The following IKZF2 variants were observed in gnomAD, a reference collection of about 807,000 sequenced individuals.
The protein encoded by IKZF2 is IKAROS family zinc finger 2.
Under a neutral mutation model 49.2 loss-of-function variants are expected in IKZF2, and 15 were observed. That is an observed-to-expected ratio of 0.30 (90% CI 0.20 to 0.47). The LOEUF is 0.47. Ranked by LOEUF, IKZF2 falls within the 20% of genes least tolerant of loss-of-function variation. The pLI is 1.00. For synonymous variants in IKZF2, 227 were observed against 221.4 expected, an observed-to-expected ratio of 1.03 and a Z score of -0.23; for missense variants, 567 against 664.6, an observed-to-expected ratio of 0.85 and a Z score of 1.61.
intron 4 of IKZF2, among the ~76,000 whole-genome samples, chr2:213,120,278 C>T (rs1478449475): frequency 6.6e-6 from 1 of 152,142 alleles, no homozygotes; most frequent in Non-Finnish European, 1.5e-5. Context: ...GATACATGTA[C>T]ATACTCAGTG....
chr2:213,081,976 G>T (rs1171743973), intron 4 of IKZF2, among the ~76,000 whole-genome samples: 1 of 152,044 alleles, frequency 6.6e-6, no homozygotes, highest in African/African-American at 2.4e-5. Flanking sequence ...GTTTAAATAA[G>T]AACTAAACTA....
At chr2:213,020,977 G>C (rs891108903) in intron 7 of IKZF2, among the ~76,000 whole-genome samples, 1 of 152,100 alleles carries the variant, frequency 6.6e-6, no homozygotes, top group African/African-American at 2.4e-5. Context: ...CTTTGGGAAG[G>C]CAAGGCGGGC....
intron 4 of IKZF2, among the ~76,000 whole-genome samples, chr2:213,058,897 A>G (rs928257570): frequency 6.6e-6 from 1 of 152,026 alleles, no homozygotes; most frequent in South Asian, 2.1e-4. Context: ...TTCAGGCCCT[A>G]TCTCAAAAGC....
At chr2:213,063,310 T>C (rs1261131712) in intron 4 of IKZF2, among the ~76,000 whole-genome samples, 1 of 152,012 alleles carries the variant, frequency 6.6e-6, no homozygotes, top group Non-Finnish European at 1.5e-5. Flanking sequence ...AGTACTGATT[T>C]CTGAAATACT....
At chr2:213,053,309 A>G (rs909601873) in intron 5 of IKZF2, among the ~76,000 whole-genome samples, 1 of 152,178 alleles carries the variant, frequency 6.6e-6, no homozygotes, top group Non-Finnish European at 1.5e-5. Flanking sequence ...TAAATACAAT[A>G]GAACAATCTA....
Position 213,057,117 on chromosome 2 carries a change from G to A in IKZF2, c.140-18C>T. On this transcript the variant is annotated intron_variant, in intron 4 of 8. Transcript: ENST00000434687. Reference sequence around the variant, plus strand: ...TGAATTTGCTGTAATTTGAAAAGAAGAAAATAAATTTTAAATACATGTTAT... The same window carrying A: ...TGAATTTGCTGTAATTTGAAAAGAAAAAAATAAATTTTAAATACATGTTAT... 2.5e-6 allele frequency: 4 copies of A among 1,603,892 alleles called. No individual in the cohort carries two copies. Among genetic ancestry groups the A allele is most frequent in the Non-Finnish European group, 3.4e-6 (4 of 1,175,296 alleles).
intron 4 of IKZF2, among the ~76,000 whole-genome samples, chr2:213,141,832 T>C (rs1224908771): frequency 6.6e-6 from 1 of 152,014 alleles, no homozygotes; most frequent in Non-Finnish European, 1.5e-5. Context: ...CTGGCACATA[T>C]GAGGTATCCC....
At chr2:213,057,998 G>T (rs1701326417) in intron 4 of IKZF2, among the ~76,000 whole-genome samples, 1 of 152,150 alleles carries the variant, frequency 6.6e-6, no homozygotes, top group East Asian at 1.9e-4. Context: ...CTTTAAGTGA[G>T]TATCAGTTTT....
intron 4 of IKZF2, among the ~76,000 whole-genome samples, chr2:213,107,043 C>A (rs1267624638): frequency 1.3e-5 from 2 of 152,024 alleles, no homozygotes; most frequent in Admixed American, 1.3e-4. Context: ...TCAACTATAT[C>A]ACATATAGAA....
At position 213,013,916 on chromosome 2, in the gene IKZF2, C is replaced by G. The variant is rs765164280; in HGVS notation, c.731G>C (p.Cys244Ser). ...GTCCATAATAGGCTCTTGTTCCTTA[C>G]AATCTTCCATAGGAGGTACTATACA... The part of the protein sequence containing the change: ...MSHHVPPMED[C>S]KEQEPIMDNN... The change falls in exon 8 of 9, where the codon TGT becomes TCT. Residue 244 changes from cysteine to serine, a missense_variant. Cys to Ser is a moderately radical substitution (Grantham distance 112). Coordinates refer to ENST00000434687, the MANE Select transcript of IKZF2 (RefSeq NM_001387220.1). 1 of 1,611,410 alleles carries G rather than the reference C, an allele frequency of 6.2e-7. No individual in the cohort carries two copies. Among genetic ancestry groups the G allele is most frequent in the South Asian group, 1.1e-5 (1 of 90,958 alleles).
At chr2:213,115,254 A>G (rs1184621630) in intron 4 of IKZF2, among the ~76,000 whole-genome samples, 1 of 147,470 alleles carries the variant, frequency 6.8e-6, no homozygotes, top group African/African-American at 2.4e-5. Flanking sequence ...ATGTCTTACA[A>G]TGTCTTAAAT....
intron 4 of IKZF2, among the ~76,000 whole-genome samples, chr2:213,123,614 A>T (rs1298802787): frequency 2.6e-5 from 4 of 152,142 alleles, no homozygotes; most frequent in African/African-American, 7.2e-5. Context: ...TAAAATAAAT[A>T]AATAAATTAA....
At chr2:213,141,732 T>C (rs527868212) in intron 4 of IKZF2, among the ~76,000 whole-genome samples, 1 of 152,034 alleles carries the variant, frequency 6.6e-6, no homozygotes, top group South Asian at 2.1e-4. Flanking sequence ...AAATGCCCTA[T>C]TTAATGTCTG....
chr2:213,049,619 C>T lies in IKZF2; in HGVS notation c.574+94G>A, dbSNP rs2165444. The T allele has an allele frequency of 1, 873,322 of 875,212 alleles. 435,741 individuals are homozygous for T. The highest frequency in any genetic ancestry group is 1 in the East Asian group (37,056 of 37,056). The allele number at this position is 875,212 out of a possible 1,614,324, so 54.2% of individuals were successfully genotyped here. On this transcript the variant is annotated intron_variant, in intron 6 of 8. Coordinates refer to ENST00000434687, the MANE Select transcript of IKZF2 (RefSeq NM_001387220.1). ...ATAACAAGATTGTCTTGGTCATTACCGACTACATAACAAAGCCATGTTACT... is the reference window on the plus strand; with the variant it reads ...ATAACAAGATTGTCTTGGTCATTACTGACTACATAACAAAGCCATGTTACT...
chr2:213,022,719 G>C (rs1368844732), intron 6 of IKZF2, among the ~76,000 whole-genome samples: 3 of 152,004 alleles, frequency 2.0e-5, no homozygotes, highest in South Asian at 4.2e-4. Context: ...TTTTGTGGCA[G>C]GTAAGTATAT....
At chr2:213,126,879 C>A (rs1222905858) in intron 4 of IKZF2, among the ~76,000 whole-genome samples, 2 of 152,142 alleles carry the variant, frequency 1.3e-5, no homozygotes, top group Non-Finnish European at 2.9e-5. Flanking sequence ...TTATTGATTT[C>A]TTAATGGATT....
chr2:213,062,345 A>G (rs912350176), intron 4 of IKZF2, among the ~76,000 whole-genome samples: 4 of 151,684 alleles, frequency 2.6e-5, no homozygotes, highest in African/African-American at 9.7e-5. Flanking sequence ...CCAGGAAAAT[A>G]ATGCAGAGGG....
chr2:213,109,438 T>A (rs2059634347), intron 4 of IKZF2, among the ~76,000 whole-genome samples: 1 of 152,064 alleles, frequency 6.6e-6, no homozygotes, highest in African/African-American at 2.4e-5. Context: ...CTAGGTATTA[T>A]AAAGACATTC....
intron 6 of IKZF2, among the ~76,000 whole-genome samples, chr2:213,042,747 T>C (rs1470937889): frequency 6.6e-6 from 1 of 152,130 alleles, no homozygotes; most frequent in African/African-American, 2.4e-5. Context: ...ACTGAAAATG[T>C]AACTAAAGAT....
Sources: gnomAD v4.1 joint callset for allele counts (sites outside exome capture counted in the v4.1 genomes callset) on GRCh38, gnomAD v4.1.1 for gene constraint, MANE v1.5 for transcripts, NCBI Gene and HGNC (gene_info 2026-07-23, HGNC 2026-07-21) for gene names.